PPIP5K2: variants seen among roughly 807,000 people sequenced by gnomAD.
PPIP5K2 encodes the protein diphosphoinositol pentakisphosphate kinase 2, also known as inositol hexakisphosphate and diphosphoinositol-pentakisphosphate kinase 2.
Under a neutral mutation model 154.6 loss-of-function variants are expected in PPIP5K2, and 105 were observed. The ratio of observed to expected loss-of-function variants is 0.68; its 90% CI spans 0.58 to 0.80. The LOEUF (loss-of-function observed/expected upper bound fraction) is 0.80, where lower values mean the gene tolerates loss of function less well. Ranked by LOEUF, PPIP5K2 falls within the 30% of genes least tolerant of loss-of-function variation. The pLI, the probability that PPIP5K2 is intolerant of heterozygous loss-of-function variation, is 0.00. For missense variants in PPIP5K2, 992 were observed against 1,504.6 expected (o/e 0.66, Z 5.64); for synonymous variants, 480 against 490.3 (o/e 0.98, Z 0.28).
chr5:103,180,302 A>T (rs1417162947), intron 24 of PPIP5K2, 114 bp downstream of exon 24: 1 of 769,654 alleles, frequency 1.3e-6, no homozygotes, highest in African/African-American at 1.8e-5. Flanking sequence ...CAAATTTTTA[A>T]ATGTTATTTA....
At chr5:103,190,367 T>C (rs1203072081) in intron 28 of PPIP5K2, among the ~76,000 whole-genome samples, 3 of 151,978 alleles carry the variant, frequency 2.0e-5, no homozygotes, top group African/African-American at 2.4e-5. Context: ...GAGAGTATCA[T>C]TGGTCTTGGC....
Position 103,194,933 on chromosome 5 carries a change from G to A in PPIP5K2, c.3527G>A (p.Arg1176Lys), listed in dbSNP as rs782405893. The A allele has an allele frequency of 6.2e-7, 1 of 1,612,624 alleles. No individual in the cohort carries two copies. The highest frequency in any genetic ancestry group is 8.5e-7 in the Non-Finnish European group (1 of 1,179,308). Residue 1176 changes from arginine (R) to lysine (K), a missense_variant, in exon 30 of 31, where the codon AGA (arginine) becomes AAA (lysine). Physicochemically the swap from Arg to Lys is conservative, Grantham distance 26. Around this residue, in one of 9 missense-constraint regions of PPIP5K2, gnomAD observed 131 missense variants for 117.8 expected, o/e 1.11. Transcript: ENST00000358359. ...STALRSSPIM[R>K]KKVSLNTYTP... ...GCTTTACGTTCCAGTCCAATAATGAGAAAAAAAGTATCTTTAAATACGTAT... is the reference window on the plus strand; with the variant it reads ...GCTTTACGTTCCAGTCCAATAATGAAAAAAAAAGTATCTTTAAATACGTAT...
At chr5:103,184,877 A>G in intron 26 of PPIP5K2, 133 bp downstream of exon 26, 3 of 592,602 alleles carry the variant, frequency 5.1e-6, no homozygotes, top group Non-Finnish European at 8.7e-6. Context: ...TAATTCAGAA[A>G]TGTTGAGTTG....
chr5:103,166,975 G>A (rs1797225441), intron 17 of PPIP5K2, among the ~76,000 whole-genome samples: 1 of 151,802 alleles, frequency 6.6e-6, no homozygotes, highest in Admixed American at 6.6e-5. Flanking sequence ...ACATTTTGGT[G>A]TAACTTTTAG....
At chr5:103,164,500 G>A (rs557241716) in intron 17 of PPIP5K2, among the ~76,000 whole-genome samples, 32 of 151,984 alleles carry the variant, frequency 2.1e-4, no homozygotes, top group Non-Finnish European at 3.1e-4. Context: ...ACCCTAGGCC[G>A]TATATTTTCC....
chr5:103,212,165 AG>A lies in PPIP5K2; in HGVS notation c.*10534del, dbSNP rs1288539625. The A allele has an allele frequency of 6.6e-6, 1 of 152,128 alleles. No individual in the cohort carries two copies. Among genetic ancestry groups the A allele is most frequent in the Non-Finnish European group, 1.5e-5 (1 of 68,008 alleles). 9.4% of individuals were successfully genotyped at this position (152,128 alleles called of 1,614,324 possible). On this transcript the variant is annotated 3_prime_UTR_variant, in exon 31 of 31. Coordinates refer to ENST00000358359, the MANE Select transcript of PPIP5K2 (RefSeq NM_001276277.3). ...CCATTCACAAAGGAGGGAGCAGGAAAGGGTTTCTCTTGACTGGACCACAAAT... is the reference window on the plus strand; with the variant it reads ...CCATTCACAAAGGAGGGAGCAGGAAAGGTTTCTCTTGACTGGACCACAAAT...
rs190857960 is a variant in PPIP5K2 at position 103,188,339 on chromosome 5, A to G, written c.3352+963A>G. Among the ~76,000 whole-genome samples, 353 of 152,260 alleles carry G rather than the reference A, an allele frequency of 2.3e-3. 2 individuals carry two copies. Among genetic ancestry groups the G allele is most frequent in the African/African-American group, 8.3e-3 (347 of 41,566 alleles). ...CTTTTTAACTGCAAGTAAGTCTTTC[A>G]AAAACTCAAGTCAGATCTTTCAGAA... On this transcript the variant is annotated intron_variant, in intron 28 of 30. Coordinates refer to ENST00000358359, the MANE Select transcript of PPIP5K2 (RefSeq NM_001276277.3).
intron 19 of PPIP5K2, among the ~76,000 whole-genome samples, chr5:103,172,492 A>G (rs1303669109): frequency 1.3e-5 from 2 of 149,704 alleles, no homozygotes; most frequent in Non-Finnish European, 3.0e-5. Flanking sequence ...CCTCTTTCCC[A>G]CTCTACCCCC....
At chr5:103,187,402 A>T in intron 28 of PPIP5K2, 26 bp downstream of exon 28, 1 of 1,475,138 alleles carries the variant, frequency 6.8e-7, no homozygotes, top group Non-Finnish European at 9.2e-7. Context: ...ATTTTAAAAG[A>T]TACTCCCCTG....
chr5:103,142,136 G>A (rs915429120), intron 5 of PPIP5K2, among the ~76,000 whole-genome samples: 3 of 152,242 alleles, frequency 2.0e-5, no homozygotes, highest in African/African-American at 4.8e-5. Context: ...GGAGTGGGTG[G>A]GAGGCTCAGG....
rs544841960 is a variant in PPIP5K2 at position 103,211,012 on chromosome 5, C to T, written c.*9378C>T. On this transcript the variant is annotated 3_prime_UTR_variant, in exon 31 of 31. Transcript: ENST00000358359. The stretch of plus-strand genomic sequence containing the variant: ...CTTCTAGACTGTAAAGGCAGATGGC[C>T]GTGAGTGGAAATCTGAGTGTATAGG... The T allele has an allele frequency of 1.3e-5, 2 of 152,110 alleles. No homozygotes were observed. Among genetic ancestry groups the T allele is most frequent in the East Asian group, 1.9e-4 (1 of 5,176 alleles). The allele number at this position is 152,110 out of a possible 1,614,324, so 9.4% of individuals were successfully genotyped here. A position where few individuals can be genotyped will look rare whatever the true frequency, so the allele number is the denominator to read the frequency against.
chr5:103,150,843 C>CTT (rs377739666), intron 8 of PPIP5K2, among the ~76,000 whole-genome samples: 6,021 of 67,790 alleles, frequency 0.089, 143 homozygotes, highest in Non-Finnish European at 0.12. Flanking sequence ...GTCCATCCTC[C>CTT]TTTTTTTTTT....
chr5:103,129,665 C>T lies in PPIP5K2; in HGVS notation c.76C>T (p.His26Tyr). 5.0e-6 allele frequency: 8 copies of T among 1,609,396 alleles called. No individual in the cohort carries two copies. Among genetic ancestry groups the T allele is most frequent in the African/African-American group, 2.7e-5 (2 of 74,834 alleles). The change falls in exon 2 of 31, where the codon CAC (histidine) becomes TAC (tyrosine). Residue 26 changes from histidine (H) to tyrosine (Y), a missense_variant. Coordinates refer to ENST00000358359, the MANE Select transcript of PPIP5K2 (RefSeq NM_001276277.3). The stretch of plus-strand genomic sequence containing the variant: ...TCCTGGAAATTATCGACATTTCTTC[C>T]ACCATGCAGATGAAGACGATGAGGA... ...INPGNYRHFFHHADEDDEEED... is the reference protein window; with the variant it reads ...INPGNYRHFFYHADEDDEEED...
chr5:103,166,338 T>A (rs1444545038), intron 17 of PPIP5K2, among the ~76,000 whole-genome samples: 2 of 152,028 alleles, frequency 1.3e-5, no homozygotes, highest in African/African-American at 4.8e-5. Flanking sequence ...ATGCTCCTGC[T>A]TATTCCTCTC....
Position 103,168,030 on chromosome 5 carries a change from G to T in PPIP5K2, c.2063-42G>T, listed in dbSNP as rs201245989. Reference sequence around the variant, plus strand: ...ACATATTAATATATATTCTAAATCAGATTTTTAAGTTGCATAAACTAAAAA... The same window carrying T: ...ACATATTAATATATATTCTAAATCATATTTTTAAGTTGCATAAACTAAAAA... On this transcript the variant is annotated intron_variant, in intron 18 of 30. Coordinates refer to ENST00000358359, the MANE Select transcript of PPIP5K2 (RefSeq NM_001276277.3). 1.5e-3 allele frequency: 1,895 copies of T among 1,263,470 alleles called. 5 individuals are homozygous for T. The highest frequency in any genetic ancestry group is 1.8e-3 in the South Asian group (131 of 73,700). 78.3% of individuals were successfully genotyped at this position (1,263,470 alleles called of 1,614,324 possible).
In PPIP5K2 at chr5:103,208,482, T is replaced by C. The variant is rs1803637472; in HGVS notation, c.*6848T>C. ...GGGTCTGAGAGAGCTGTTGTAGCCT[T>C]TTACTCTCTCCAGTCAACAAAGATT... On this transcript the variant is annotated 3_prime_UTR_variant, in exon 31 of 31. Coordinates refer to ENST00000358359, the MANE Select transcript of PPIP5K2 (RefSeq NM_001276277.3). 6.6e-6 allele frequency: 1 copy of C among 152,212 alleles called. No individual in the cohort carries two copies. The highest frequency in any genetic ancestry group is 1.5e-5 in the Non-Finnish European group (1 of 68,052). The allele number at this position is 152,212 out of a possible 1,614,324, so 9.4% of individuals were successfully genotyped here.
At chr5:103,152,778 T>C (rs782017993) in intron 10 of PPIP5K2, 29 bp downstream of exon 10, 9 of 1,453,520 alleles carry the variant, frequency 6.2e-6, no homozygotes, top group Non-Finnish European at 8.6e-6. Flanking sequence ...CATTTAGAAA[T>C]TGAGTTTTCC....
intron 3 of PPIP5K2, 74 bp downstream of exon 3, chr5:103,133,722 A>G (rs536489321): frequency 8.1e-7 from 1 of 1,231,060 alleles, no homozygotes; most frequent in South Asian, 2.0e-5. Flanking sequence ...ATTGTAGACT[A>G]TGAGATAAAA....
chr5:103,177,006 A>G (rs1328229326), intron 21 of PPIP5K2: 2 of 849,698 alleles, frequency 2.4e-6, no homozygotes, highest in East Asian at 2.9e-5. Context: ...TATATTGCAT[A>G]CATGAACTAT....
Sources: allele counts gnomAD v4.1 joint callset (sites outside exome capture counted in the v4.1 genomes callset), GRCh38; gene constraint gnomAD v4.1.1; regional missense constraint gnomAD v4.1.1; transcripts MANE v1.5; gene names NCBI Gene and HGNC (gene_info 2026-07-23, HGNC 2026-07-21).